The following PUDP variants were observed in gnomAD, a reference collection of about 807,000 sequenced individuals.
The protein encoded by PUDP is pseudouridine-5'-phosphatase.
A neutral mutation model predicts 9.4 loss-of-function variants in PUDP; 8 were observed. That is an observed-to-expected ratio of 0.85 (90% CI 0.50 to 1.53). The LOEUF is 1.53. PUDP is among the 40% of genes most tolerant of loss of function. The pLI, the probability that PUDP is intolerant of heterozygous loss-of-function variation, is 0.00. For missense variants in PUDP, 188 were observed against 189.7 expected, an observed-to-expected ratio of 0.99 and a Z score of 0.05; for synonymous variants, 99 against 80.7, an observed-to-expected ratio of 1.23 and a Z score of -1.22.
intron 3 of PUDP, among the ~76,000 whole-genome samples, chrX:6,795,235 G>C: frequency 9.0e-6 from 1 of 111,119 alleles, no homozygotes; most frequent in Non-Finnish European, 1.9e-5. Flanking sequence ...GACTGTAATT[G>C]TATTTCATTT....
chrX:7,030,560 A>G (rs1162530686), intron 1 of PUDP, among the ~76,000 whole-genome samples: 2 of 111,321 alleles, frequency 1.8e-5, no homozygotes, highest in African/African-American at 6.5e-5. Flanking sequence ...AACAGTATGC[A>G]AAACACACAT....
intron 1 of PUDP, among the ~76,000 whole-genome samples, chrX:7,145,375 T>C (rs1444054976): frequency 9.0e-6 from 1 of 111,548 alleles, no homozygotes; most frequent in Non-Finnish European, 1.9e-5. Context: ...CCATCTTTTG[T>C]GTTCCTAATT....
intron 3 of PUDP, among the ~76,000 whole-genome samples, chrX:6,875,346 C>T (rs1280258227): frequency 4.5e-5 from 5 of 111,921 alleles, no homozygotes; most frequent in South Asian, 7.4e-4. Flanking sequence ...CCACTGCACC[C>T]GGCCCAAAGG....
chrX:7,080,726 C>G (rs1477610536), intron 2 of PUDP, among the ~76,000 whole-genome samples: 1 of 111,108 alleles, frequency 9.0e-6, no homozygotes, highest in Non-Finnish European at 1.9e-5. Flanking sequence ...TAAACCTTAA[C>G]CTAACTGATG....
chrX:7,072,106 G>T (rs894287611), intron 3 of PUDP, among the ~76,000 whole-genome samples: 2 of 112,008 alleles, frequency 1.8e-5, no homozygotes, highest in African/African-American at 6.5e-5. Flanking sequence ...TTCTTAACAA[G>T]GTGATAGCAT....
chrX:6,921,208 C>A (rs1243438367), intron 3 of PUDP, among the ~76,000 whole-genome samples: 2 of 109,846 alleles, frequency 1.8e-5, no homozygotes, highest in African/African-American at 6.6e-5. Flanking sequence ...ACATGTGAGA[C>A]CCTATTTCTA....
intron 3 of PUDP, among the ~76,000 whole-genome samples, chrX:7,055,700 C>T (rs1233182379): frequency 1.8e-5 from 2 of 112,087 alleles, no homozygotes; most frequent in East Asian, 2.8e-4. Flanking sequence ...TGTCTGTCTA[C>T]TGAAACTTAA....
chrX:6,733,601 A>ACC (rs779895856), intron 3 of PUDP, among the ~76,000 whole-genome samples: 11 of 109,250 alleles, frequency 1.0e-4, no homozygotes, highest in African/African-American at 3.3e-4. Context: ...CTTCTGCAGG[A>ACC]ATCCAGAGAG....
intron 1 of PUDP, among the ~76,000 whole-genome samples, chrX:7,144,283 G>C (rs1447769740): frequency 8.9e-6 from 1 of 112,159 alleles, no homozygotes; most frequent in African/African-American, 3.2e-5. Context: ...GTATTTCATG[G>C]GGTCAAATGA....
At chrX:6,769,135 C>T (rs1419379520) in intron 3 of PUDP, among the ~76,000 whole-genome samples, 1 of 112,192 alleles carries the variant, frequency 8.9e-6, no homozygotes, top group Non-Finnish European at 1.9e-5. Context: ...TGTCTCCCAG[C>T]GAGTCTGTGT....
At chrX:6,928,736 A>G (rs1411994275) in intron 3 of PUDP, among the ~76,000 whole-genome samples, 5 of 110,857 alleles carry the variant, frequency 4.5e-5, no homozygotes, top group Admixed American at 2.9e-4. Context: ...CTCTACCAAT[A>G]AAACAAAAAA....
chrX:7,121,376 G>A (rs1171534127), intron 1 of PUDP, among the ~76,000 whole-genome samples: 1 of 111,410 alleles, frequency 9.0e-6, no homozygotes, highest in Non-Finnish European at 1.9e-5. Flanking sequence ...GGGAGGAGGG[G>A]ATGCCCATGT....
At chrX:6,945,153 T>G (rs1569128584) in intron 3 of PUDP, among the ~76,000 whole-genome samples, 1 of 111,306 alleles carries the variant, frequency 9.0e-6, no homozygotes, top group Non-Finnish European at 1.9e-5. Flanking sequence ...AATAAATACT[T>G]CACTTCCTCT....
chrX:6,791,999 G>A (rs1490946104), intron 3 of PUDP, among the ~76,000 whole-genome samples: 1 of 111,681 alleles, frequency 9.0e-6, no homozygotes, highest in Non-Finnish European at 1.9e-5. Context: ...TGGAGAGAAT[G>A]TCATGCTGTG....
chrX:6,973,652 G>A (rs779971793), intron 3 of PUDP, among the ~76,000 whole-genome samples: 27 of 111,877 alleles, frequency 2.4e-4, no homozygotes, highest in South Asian at 3.7e-4. Context: ...GAATATGTGC[G>A]ATGTGGTGTT....
rs149063203 is a variant in PUDP, at chrX:6,719,968, C to T, written n.128+1449G>A. Among the ~76,000 whole-genome samples the T allele has an allele frequency of 1.9e-4, 21 of 109,127 alleles. 1 individual carries two copies. Among genetic ancestry groups the T allele is most frequent in the East Asian group, 5.8e-4 (2 of 3,458 alleles). 94.8% of individuals were successfully genotyped at this position (109,127 alleles called of 115,157 possible). A position where few individuals can be genotyped will look rare whatever the true frequency, so the allele number is the denominator to read the frequency against. ...GCAATCCCACTTTTGCATATATATC[C>T]GAGGGAAACAAGATCAGCGTCTCAA... On this transcript the variant is annotated intron_variant and non_coding_transcript_variant, in intron 1 of 2. Coordinates refer to the PUDP transcript ENST00000438499.
intron 3 of PUDP, among the ~76,000 whole-genome samples, chrX:6,802,818 G>A (rs72609550): frequency 0.14 from 15,388 of 107,597 alleles, 923 homozygotes; most frequent in East Asian, 0.26. Flanking sequence ...CTGGGAGGCG[G>A]AAGTTGCAGT....
At chrX:7,123,103 G>T (rs1440803656) in intron 1 of PUDP, among the ~76,000 whole-genome samples, 1 of 112,246 alleles carries the variant, frequency 8.9e-6, no homozygotes, top group African/African-American at 3.2e-5. Flanking sequence ...CAAGAATGCT[G>T]TAACACTTAT....
intron 3 of PUDP, among the ~76,000 whole-genome samples, chrX:6,895,110 C>T: frequency 9.1e-6 from 1 of 109,542 alleles, no homozygotes; most frequent in East Asian, 2.8e-4. Context: ...AGGAGGTGGG[C>T]TGTTAGTTGG....
Sources: gnomAD v4.1 joint callset for allele counts (sites outside exome capture counted in the v4.1 genomes callset) on GRCh38, gnomAD v4.1.1 for gene constraint, MANE v1.5 for transcripts, NCBI Gene and HGNC (gene_info 2026-07-23, HGNC 2026-07-21) for gene names.